The following CTNNA3 variants were observed in gnomAD, a reference collection of about 807,000 sequenced individuals.
CTNNA3 encodes catenin alpha 3, also known as catenin alpha-3.
CTNNA3 carries 76 observed loss-of-function variants against 95.7 expected under a neutral mutation model. The ratio of observed to expected loss-of-function variants is 0.79; its 90% CI spans 0.66 to 0.96. The LOEUF is 0.96. Among genes scored for constraint, CTNNA3 ranks in the 40% least tolerant of loss-of-function variants. The pLI, the probability that CTNNA3 is intolerant of heterozygous loss-of-function variation, is 0.00. For synonymous variants in CTNNA3, 431 were observed against 374.4 expected (o/e 1.15, Z -1.74); for missense variants, 1,191 against 1,089.8 (o/e 1.09, Z -1.31).
chr10:67,550,900 G>A (rs555619118), intron 3 of CTNNA3, among the ~76,000 whole-genome samples: 1 of 152,208 alleles, frequency 6.6e-6, no homozygotes, highest in South Asian at 2.1e-4. Context: ...ATTTCCCATG[G>A]AGCTTCAGCA....
intron 5 of CTNNA3, among the ~76,000 whole-genome samples, chr10:67,286,928 C>A (rs1169728606): frequency 2.6e-5 from 4 of 152,102 alleles, no homozygotes; most frequent in Non-Finnish European, 4.4e-5. Flanking sequence ...TGAAAGAAAC[C>A]CTTACCCTAG....
At chr10:67,113,288 A>AT (rs1859001552) in intron 7 of CTNNA3, among the ~76,000 whole-genome samples, 1 of 151,978 alleles carries the variant, frequency 6.6e-6, no homozygotes, top group Admixed American at 6.6e-5. Context: ...TAGGATGCTA[A>AT]TTTTTTTCTT....
At chr10:66,061,867 A>G (rs2080207574) in intron 15 of CTNNA3, among the ~76,000 whole-genome samples, 1 of 152,158 alleles carries the variant, frequency 6.6e-6, no homozygotes, top group Non-Finnish European at 1.5e-5. Flanking sequence ...AACAGATTGA[A>G]CATTTAACAG....
In CTNNA3 at chr10:67,465,963, T is replaced by C. The variant is rs187105160; in HGVS notation, c.579+55879A>G. Among the ~76,000 whole-genome samples, 142 of 152,326 alleles carry C rather than the reference T, an allele frequency of 9.3e-4. 2 individuals carry two copies. Among genetic ancestry groups the C allele is most frequent in the Admixed American group, 2.7e-3 (42 of 15,296 alleles). ...TTTCACTTGCATGGTTTTATCTCTA[T>C]AGAATTCCTGCAGGTATGTTTTCTA... On this transcript the variant is annotated intron_variant, in intron 5 of 17. Transcript: ENST00000433211.
At chr10:66,895,246 G>C (rs1227835975) in intron 7 of CTNNA3, among the ~76,000 whole-genome samples, 1 of 151,932 alleles carries the variant, frequency 6.6e-6, no homozygotes, top group African/African-American at 2.4e-5. Context: ...ACACTTTATT[G>C]TGTGAGACAG....
chr10:67,333,941 C>A (rs1032108950), intron 5 of CTNNA3, among the ~76,000 whole-genome samples: 2 of 152,156 alleles, frequency 1.3e-5, no homozygotes, highest in Non-Finnish European at 2.9e-5. Flanking sequence ...TTTGCTAAGT[C>A]TTCCATAAGG....
At chr10:66,391,311 C>T (rs2092931969) in intron 11 of CTNNA3, among the ~76,000 whole-genome samples, 1 of 152,000 alleles carries the variant, frequency 6.6e-6, no homozygotes, top group South Asian at 2.1e-4. Flanking sequence ...AGAACACACA[C>T]ACACGAAAAA....
At chr10:67,346,692 A>T (rs1172623399) in intron 5 of CTNNA3, 1 of 513,540 alleles carries the variant, frequency 1.9e-6, no homozygotes, top group Non-Finnish European at 3.9e-6. Context: ...GTGGCGATAG[A>T]TGAGAGTTCA....
chr10:66,544,955 G>C (rs1841991324), intron 10 of CTNNA3, among the ~76,000 whole-genome samples: 1 of 152,002 alleles, frequency 6.6e-6, no homozygotes, highest in Non-Finnish European at 1.5e-5. Flanking sequence ...CTTCTAGTTA[G>C]AAATCATGAA....
intron 11 of CTNNA3, among the ~76,000 whole-genome samples, chr10:66,510,090 G>C (rs1306809233): frequency 2.0e-5 from 3 of 151,898 alleles, no homozygotes; most frequent in East Asian, 3.9e-4. Context: ...GTGCTTTGTA[G>C]TTTTCATTGT....
chr10:66,100,235 T>A (rs1236070537), intron 14 of CTNNA3, among the ~76,000 whole-genome samples: 1 of 152,094 alleles, frequency 6.6e-6, no homozygotes, highest in Non-Finnish European at 1.5e-5. Flanking sequence ...GGAAAATGCA[T>A]TTCCAAATTG....
chr10:66,516,360 C>T lies in CTNNA3; in HGVS notation c.1531+4257G>A, dbSNP rs116367659. Reference sequence around the variant, plus strand: ...TCAGTATTTTAGGCAAACATGTCTGCTTGACTGTTTAATGGCCATTTCTCT... The same window carrying T: ...TCAGTATTTTAGGCAAACATGTCTGTTTGACTGTTTAATGGCCATTTCTCT... On this transcript the variant is annotated intron_variant, in intron 11 of 17. Coordinates refer to ENST00000433211, the MANE Select transcript of CTNNA3 (RefSeq NM_013266.4). 1.0e-2 allele frequency among the ~76,000 whole-genome samples: 1,521 copies of T among 152,270 alleles called. 29 individuals are homozygous for T. Among genetic ancestry groups the T allele is most frequent in the African/African-American group, 0.035 (1,445 of 41,548 alleles).
Position 67,564,081 on chromosome 10 carries a change from G to T in CTNNA3, c.293-24412C>A, listed in dbSNP as rs954080495. On this transcript the variant is annotated intron_variant, in intron 3 of 17. Coordinates refer to ENST00000433211, the MANE Select transcript of CTNNA3 (RefSeq NM_013266.4). ...TAGTTCAACCATTGTCGAAGACAGT[G>T]TGGCGATTCCTTAAGGATCTAGAAC... 1.5e-4 allele frequency among the ~76,000 whole-genome samples: 22 copies of T among 149,848 alleles called. 2 individuals are homozygous for T. Among genetic ancestry groups the T allele is most frequent in the African/African-American group, 4.5e-4 (18 of 40,262 alleles).
At chr10:67,378,094 C>T (rs1843764620) in intron 5 of CTNNA3, among the ~76,000 whole-genome samples, 1 of 152,116 alleles carries the variant, frequency 6.6e-6, no homozygotes, top group African/African-American at 2.4e-5. Flanking sequence ...CCTTCTTCCC[C>T]CTACCCTTCT....
At chr10:66,332,019 A>G (rs1467166928) in intron 12 of CTNNA3, among the ~76,000 whole-genome samples, 2 of 151,872 alleles carry the variant, frequency 1.3e-5, no homozygotes, top group Admixed American at 6.6e-5. Flanking sequence ...TGTGAATGGG[A>G]GTTCACTCAT....
At chr10:66,370,853 G>T (rs1418666536) in intron 12 of CTNNA3, among the ~76,000 whole-genome samples, 2 of 152,072 alleles carry the variant, frequency 1.3e-5, no homozygotes, top group Admixed American at 6.6e-5. Flanking sequence ...GGGACTACAG[G>T]TGTGTACCAC....
chr10:66,353,407 T>C (rs1481027625), intron 12 of CTNNA3, among the ~76,000 whole-genome samples: 1 of 152,166 alleles, frequency 6.6e-6, no homozygotes, highest in African/African-American at 2.4e-5. Flanking sequence ...TCTTAGCCTG[T>C]TGGATGCGCA....
chr10:67,163,353 C>T (rs556297319), intron 7 of CTNNA3, among the ~76,000 whole-genome samples: 2 of 151,852 alleles, frequency 1.3e-5, no homozygotes, highest in South Asian at 4.2e-4. Flanking sequence ...ACAAACTAAA[C>T]AAGAAAAATC....
chr10:66,508,950 A>G (rs1840560636), intron 11 of CTNNA3, among the ~76,000 whole-genome samples: 1 of 152,116 alleles, frequency 6.6e-6, no homozygotes, highest in South Asian at 2.1e-4. Context: ...CAGTTTTTTG[A>G]GGAACCTCCA....
Sources: gnomAD v4.1 joint callset for allele counts (sites outside exome capture counted in the v4.1 genomes callset) on GRCh38, gnomAD v4.1.1 for gene constraint, MANE v1.5 for transcripts, NCBI Gene and HGNC (gene_info 2026-07-23, HGNC 2026-07-21) for gene names.